Variants in MTERF4 observed in about 807,000 individuals in gnomAD.
MTERF4 encodes the protein mitochondrial transcription termination factor 4, also known as transcription termination factor 4, mitochondrial.
In MTERF4, 17 loss-of-function variants were observed where a neutral mutation model predicts 22.5. The ratio of observed to expected loss-of-function variants is 0.75; its 90% CI spans 0.52 to 1.13. The LOEUF (loss-of-function observed/expected upper bound fraction) is 1.13, where lower values mean the gene tolerates loss of function less well. Among genes scored for constraint, MTERF4 ranks in the 50% most tolerant of loss-of-function variants. The pLI is 0.00. For synonymous variants in MTERF4, 165 were observed against 175.3 expected (o/e 0.94, Z 0.47); for missense variants, 420 against 466.8 (o/e 0.90, Z 0.92).
In MTERF4 at chr2:241,097,441, A is replaced by C. The variant is rs767606330; in HGVS notation, c.521-14T>G. On this transcript the variant is annotated splice_polypyrimidine_tract_variant and intron_variant, in intron 2 of 3. Transcript: ENST00000391980. Reference sequence around the variant, plus strand: ...TCTTTAATTTCCCTGCAGAACATTCAAAAAAGGCAAGCATATAATTTCAGG... The same window carrying C: ...TCTTTAATTTCCCTGCAGAACATTCCAAAAAGGCAAGCATATAATTTCAGG... 1.2e-5 allele frequency: 19 copies of C among 1,603,982 alleles called. No homozygotes were observed. The highest frequency in any genetic ancestry group is 1.5e-5 in the Non-Finnish European group (18 of 1,174,064).
At chr2:241,076,637 G>C (rs569194038) in intron 4 of MTERF4, among the ~76,000 whole-genome samples, 28 of 152,306 alleles carry the variant, frequency 1.8e-4, no homozygotes, top group Admixed American at 3.3e-4. Flanking sequence ...CTAGGCAGGT[G>C]AATCACTTGA....
the MTERF4 span, chr2:241,063,548 T>G: frequency 7.0e-7 from 1 of 1,430,486 alleles, no homozygotes. Context: ...CGCCTCAGAC[T>G]TGAGCCAGCA....
chr2:241,073,882 G>A lies in MTERF4; in HGVS notation n.2280C>T, dbSNP rs937766700. The A allele has an allele frequency of 4.1e-5, 7 of 172,288 alleles. No individual in the cohort carries two copies. The highest frequency in any genetic ancestry group is 6.0e-5 in the Admixed American group (1 of 16,614). The allele number at this position is 172,288 out of a possible 1,614,324, so 10.7% of individuals were successfully genotyped here. On this transcript the variant is annotated non_coding_transcript_exon_variant, in exon 5 of 5. Transcript: ENST00000464344. This position sits in a 1 kb window ranked among gnomAD's most constrained non-coding sequence, Gnocchi z 6.6. ...GCCTCGTGAGGATCGAGGCCAGCAC[G>A]TCCCTGCAGGGCACCAAGCATCTGC... is the stretch of plus-strand genomic sequence containing the variant.
exon 5 of MTERF4, chr2:241,072,676 C>T (rs1575067364): frequency 4.9e-6 from 1 of 206,008 alleles, no homozygotes; most frequent in East Asian, 1.4e-4. Context: ...GAGCCCCCAG[C>T]AAGGTGTCTG....
At position 241,095,952 on chromosome 2, in the gene MTERF4, T is replaced by C; in HGVS notation, c.*46A>G. 1 of 1,567,122 alleles carries C rather than the reference T, an allele frequency of 6.4e-7. No homozygotes were observed. Among genetic ancestry groups the C allele is most frequent in the Non-Finnish European group, 8.6e-7 (1 of 1,157,426 alleles). On this transcript the variant is annotated 3_prime_UTR_variant, in exon 4 of 4. Coordinates refer to ENST00000391980, the MANE Select transcript of MTERF4 (RefSeq NM_182501.4). Reference sequence around the variant, plus strand: ...CAAAAGCTTTAAGAGAATGAAAAGCTTCCTTGATATCTCTGGGCCCTTTCG... The same window carrying C: ...CAAAAGCTTTAAGAGAATGAAAAGCCTCCTTGATATCTCTGGGCCCTTTCG...
At chr2:241,100,065 A>C in intron 1 of MTERF4, 171 bp from the exon 2 acceptor site, 7 of 759,384 alleles carry the variant, frequency 9.2e-6, no homozygotes, top group South Asian at 2.1e-5. Context: ...AAGGAAGCTC[A>C]CAAAGAACAG....
intron 1 of MTERF4, among the ~76,000 whole-genome samples, chr2:241,101,659 C>T (rs2064714143): frequency 1.3e-5 from 2 of 152,356 alleles, no homozygotes; most frequent in East Asian, 3.9e-4. Context: ...GGGCGCGGCC[C>T]GTGGAACTGG....
chr2:241,052,123 T>C, the MTERF4 span: 1 of 1,613,582 alleles, frequency 6.2e-7, no homozygotes. Context: ...AGTGTGACTG[T>C]CCCCCAGGCT....
At chr2:241,068,965 C>T, downstream of MTERF4, 1 of 1,557,184 alleles carries the variant, frequency 6.4e-7, no homozygotes, top group South Asian at 1.2e-5. This position sits in a 1 kb window ranked among gnomAD's most constrained non-coding sequence, Gnocchi z 5.3. Context: ...TCAGTGGGCT[C>T]AGGGGAGAGG....
chr2:241,078,454 G>A (rs946711015), intron 4 of MTERF4, among the ~76,000 whole-genome samples: 3 of 151,522 alleles, frequency 2.0e-5, no homozygotes, highest in Non-Finnish European at 2.9e-5. Context: ...AATGGAACAC[G>A]ATTCAACCAT....
downstream of MTERF4, chr2:241,089,313 G>C (rs1183555699): frequency 1.3e-6 from 2 of 1,550,302 alleles, no homozygotes; most frequent in African/African-American, 2.7e-5. Context: ...AGATGAGTGA[G>C]GCACCCTTGG....
At chr2:241,051,523 G>C in the MTERF4 span, 4 of 424,426 alleles carry the variant, frequency 9.4e-6, no homozygotes, top group Non-Finnish European at 1.7e-5. This position sits in a 1 kb window ranked among gnomAD's most constrained non-coding sequence, Gnocchi z 4.7. Flanking sequence ...GGCAAGCAAA[G>C]GGCCCACCTG....
intron 1 of MTERF4, among the ~76,000 whole-genome samples, chr2:241,101,449 G>A (rs1371919360): frequency 6.6e-6 from 1 of 152,238 alleles, no homozygotes; most frequent in Non-Finnish European, 1.5e-5. Context: ...TGTGCAGCCT[G>A]GTTCCTAATA....
chr2:241,071,581 A>C, downstream of MTERF4: 3 of 1,586,266 alleles, frequency 1.9e-6, no homozygotes, highest in Non-Finnish European at 2.6e-6. Flanking sequence ...TGCAGCCCCC[A>C]GGGATGGCGC....
At chr2:241,063,536 G>T in the MTERF4 span, 4 of 1,229,030 alleles carry the variant, frequency 3.3e-6, no homozygotes, top group Non-Finnish European at 4.7e-6. Flanking sequence ...GGGGCATGTG[G>T]GCGCCTCAGA....
chr2:241,044,600 A>G, the MTERF4 span, among the ~76,000 whole-genome samples: 1 of 152,234 alleles, frequency 6.6e-6, no homozygotes, highest in African/African-American at 2.4e-5. Context: ...CCTCAAAACC[A>G]GAAGTGGGCA....
At chr2:241,093,725 T>G (rs1398616810), downstream of MTERF4, 1 of 152,308 alleles carries the variant, frequency 6.6e-6, no homozygotes, top group African/African-American at 2.4e-5. Flanking sequence ...GTAAAAAGAC[T>G]TCCTGGTGCT....
chr2:241,094,613 G>A (rs1008393133), downstream of MTERF4: 5 of 351,512 alleles, frequency 1.4e-5, no homozygotes, highest in South Asian at 2.2e-5. This position sits in a 1 kb window ranked among gnomAD's most constrained non-coding sequence, Gnocchi z 4.3. Flanking sequence ...AAGTTGTCAC[G>A]AGTGAACAGT....
the MTERF4 span, chr2:241,063,567 G>C: frequency 9.0e-6 from 14 of 1,547,612 alleles, no homozygotes; most frequent in Non-Finnish European, 1.2e-5. Context: ...CAACACCCTT[G>C]ACACCCCTTC....
Sources: gnomAD v4.1 joint callset for allele counts (sites outside exome capture counted in the v4.1 genomes callset) on GRCh38, gnomAD v4.1.1 for gene constraint, Gnocchi (gnomAD v3.1) non-coding constraint, MANE v1.5 for transcripts, NCBI Gene and HGNC (gene_info 2026-07-23, HGNC 2026-07-21) for gene names.